EHBP1: variants seen among roughly 807,000 people sequenced by gnomAD.
The protein encoded by EHBP1 is EH domain binding protein 1.
A neutral mutation model predicts 144.0 loss-of-function variants in EHBP1; 55 were observed. That is an observed-to-expected ratio of 0.38 (90% CI 0.31 to 0.48). EHBP1 has a LOEUF of 0.48. Ranked by LOEUF, EHBP1 falls within the 20% of genes least tolerant of loss-of-function variation. EHBP1 has a pLI of 0.98. For missense variants in EHBP1, 1,200 were observed against 1,364.2 expected (o/e 0.88, Z 1.90); for synonymous variants, 469 against 472.7 (o/e 0.99, Z 0.10).
intron 3 of EHBP1, among the ~76,000 whole-genome samples, chr2:62,754,145 T>C (rs1301459003): frequency 6.6e-6 from 1 of 152,196 alleles, no homozygotes; most frequent in Non-Finnish European, 1.5e-5. Context: ...CGGTCTTTGA[T>C]GATGGTGACA....
intron 7 of EHBP1, among the ~76,000 whole-genome samples, chr2:62,834,119 G>A (rs1475906202): frequency 6.6e-6 from 1 of 152,222 alleles, no homozygotes; most frequent in East Asian, 1.9e-4. Flanking sequence ...TTCTCTGGAT[G>A]AACAAAGAAA....
intron 15 of EHBP1, among the ~76,000 whole-genome samples, chr2:62,981,515 G>A (rs1381186406): frequency 1.3e-5 from 2 of 152,144 alleles, no homozygotes; most frequent in Non-Finnish European, 2.9e-5. Flanking sequence ...TGACTTGTAA[G>A]TGCTGGGAAG....
At chr2:62,835,256 A>G (rs1182709468) in intron 7 of EHBP1, among the ~76,000 whole-genome samples, 1 of 152,072 alleles carries the variant, frequency 6.6e-6, no homozygotes, top group Non-Finnish European at 1.5e-5. Context: ...ATGTATTTAT[A>G]TTACTTTATT....
chr2:62,673,922 T>G, exon 1 of EHBP1: 1 of 417,224 alleles, frequency 2.4e-6, no homozygotes, highest in South Asian at 1.8e-5. Flanking sequence ...AGCGAGAGAC[T>G]GGGGATTTGG....
At chr2:62,951,534 TGGG>T (rs70962799) in intron 13 of EHBP1, among the ~76,000 whole-genome samples, 2 of 92,332 alleles carry the variant, frequency 2.2e-5, no homozygotes, top group South Asian at 4.4e-4. Context: ...TTTTTTTTTT[TGGG>T]GGGGGGGGGT....
intron 5 of EHBP1, among the ~76,000 whole-genome samples, chr2:62,795,855 A>C (rs1159489634): frequency 6.6e-6 from 1 of 152,000 alleles, no homozygotes; most frequent in Non-Finnish European, 1.5e-5. Flanking sequence ...CTGAAGAAAA[A>C]ATTTTTGACT....
intron 3 of EHBP1, among the ~76,000 whole-genome samples, chr2:62,749,512 G>C (rs2039472541): frequency 6.6e-6 from 1 of 152,168 alleles, no homozygotes; most frequent in South Asian, 2.1e-4. Flanking sequence ...GTAATGGGAT[G>C]GCTGGGTCAA....
At chr2:62,771,796 A>G (rs2041686960) in intron 5 of EHBP1, 1 of 152,300 alleles carries the variant, frequency 6.6e-6, no homozygotes, top group Non-Finnish European at 1.5e-5. Flanking sequence ...ACCATGAATG[A>G]CCTTTGAAAT....
chr2:62,795,109 G>T (rs1176432776), intron 5 of EHBP1, among the ~76,000 whole-genome samples: 1 of 151,948 alleles, frequency 6.6e-6, no homozygotes, highest in Middle Eastern at 3.2e-3. Flanking sequence ...AAAAAAAAAG[G>T]AACTTTTTAG....
intron 16 of EHBP1, 41 bp downstream of exon 16, chr2:62,990,881 G>A (rs2153223056): frequency 6.5e-7 from 1 of 1,550,088 alleles, no homozygotes; most frequent in East Asian, 2.3e-5. Context: ...TAGTATCTGT[G>A]TCTTCTAGTT....
intron 3 of EHBP1, among the ~76,000 whole-genome samples, chr2:62,748,305 G>C (rs911084797): frequency 6.6e-6 from 1 of 152,022 alleles, no homozygotes. Context: ...AATTTTGTTT[G>C]TGGGGAGTGG....
chr2:62,816,103 C>T (rs1020610191), intron 5 of EHBP1, among the ~76,000 whole-genome samples: 1 of 152,028 alleles, frequency 6.6e-6, no homozygotes. Flanking sequence ...TAAAATACTC[C>T]CATACTTTTC....
chr2:62,843,532 A>T (rs569443414), intron 7 of EHBP1, among the ~76,000 whole-genome samples: 17 of 152,232 alleles, frequency 1.1e-4, no homozygotes, highest in Admixed American at 3.9e-4. Context: ...CATATTTTTT[A>T]TTTGATATTA....
chr2:62,742,034 C>T lies in EHBP1; in HGVS notation c.105-5361C>T, dbSNP rs2038758828. 2.0e-5 allele frequency among the ~76,000 whole-genome samples: 3 copies of T among 152,038 alleles called. No individual in the cohort carries two copies. In the South Asian group the frequency reaches 6.2e-4, roughly 32 times the overall value. ...TATGTTTAGATACACAAATACTTAA[C>T]CATTATGTTAAAATTACCTACAGTA... On this transcript the variant is annotated intron_variant, in intron 2 of 22. Transcript: ENST00000431489.
At chr2:62,863,835 G>GTTT (rs1558815445) in intron 8 of EHBP1, among the ~76,000 whole-genome samples, 11 of 87,588 alleles carry the variant, frequency 1.3e-4, no homozygotes, top group Admixed American at 2.7e-4. Flanking sequence ...TTATTTTTCT[G>GTTT]TGTTGTTTTT....
At chr2:62,985,369 G>T (rs984715889) in intron 15 of EHBP1, among the ~76,000 whole-genome samples, 2 of 152,026 alleles carry the variant, frequency 1.3e-5, no homozygotes, top group African/African-American at 4.8e-5. Flanking sequence ...ACTTATAAAA[G>T]ACATAAGCTT....
At chr2:62,845,298 T>C (rs959333418) in intron 7 of EHBP1, among the ~76,000 whole-genome samples, 1 of 152,208 alleles carries the variant, frequency 6.6e-6, no homozygotes, top group Admixed American at 6.5e-5. Context: ...CAATCAGGTT[T>C]GATTTTTACC....
At chr2:63,002,784 ACTTAT>A (rs1455935399) in intron 19 of EHBP1, among the ~76,000 whole-genome samples, 2 of 152,120 alleles carry the variant, frequency 1.3e-5, no homozygotes, top group Non-Finnish European at 2.9e-5. Flanking sequence ...ACAGATACAG[ACTTAT>A]CTTGTTATTA....
chr2:62,753,269 T>TGCACTTA (rs2039933307), intron 3 of EHBP1, among the ~76,000 whole-genome samples: 1 of 152,180 alleles, frequency 6.6e-6, no homozygotes, highest in Non-Finnish European at 1.5e-5. Flanking sequence ...GAAGCTTAGT[T>TGCACTTA]TGGCTGGATA....
Sources: gnomAD v4.1 joint callset for allele counts (sites outside exome capture counted in the v4.1 genomes callset) on GRCh38, gnomAD v4.1.1 for gene constraint, MANE v1.5 for transcripts, NCBI Gene and HGNC (gene_info 2026-07-23, HGNC 2026-07-21) for gene names.